Variants in FOXO3 observed in about 807,000 individuals in gnomAD.
The protein encoded by FOXO3 is forkhead box protein O3.
FOXO3 carries 4 observed loss-of-function variants against 41.9 expected under a neutral mutation model. The observed-to-expected ratio is 0.10, with a 90% CI of 0.05 to 0.22. The LOEUF is 0.22. FOXO3 is among the 10% of genes least tolerant of loss of function. FOXO3 has a pLI of 1.00. For synonymous variants in FOXO3, 318 were observed against 389.3 expected (o/e 0.82, Z 2.16); for missense variants, 534 against 906.8 (o/e 0.59, Z 5.28).
At chr6:108,584,257 G>T (rs1004182094) in intron 1 of FOXO3, among the ~76,000 whole-genome samples, 1 of 152,168 alleles carries the variant, frequency 6.6e-6, no homozygotes, top group African/African-American at 2.4e-5. Flanking sequence ...CTAGAAAGAA[G>T]GGAAGTCTTG....
intron 2 of FOXO3, among the ~76,000 whole-genome samples, chr6:108,673,669 G>A (rs929501654): frequency 2.0e-5 from 3 of 152,138 alleles, no homozygotes; most frequent in Admixed American, 6.5e-5. Flanking sequence ...ACCCTGAGAT[G>A]GACTGGCAAT....
chr6:108,614,991 A>G (rs1777454478), intron 1 of FOXO3, among the ~76,000 whole-genome samples: 1 of 152,070 alleles, frequency 6.6e-6, no homozygotes, highest in South Asian at 2.1e-4. Flanking sequence ...ATGATAGTCA[A>G]TCTTCTGCCA....
intron 1 of FOXO3, among the ~76,000 whole-genome samples, chr6:108,621,919 A>AG (rs1777675531): frequency 1.3e-5 from 2 of 152,252 alleles, no homozygotes; most frequent in Admixed American, 6.5e-5. Context: ...CAGGCAGCTA[A>AG]GGAGTAACTG....
At chr6:108,591,036 TAGA>T (rs1489522148) in intron 1 of FOXO3, among the ~76,000 whole-genome samples, 1 of 152,192 alleles carries the variant, frequency 6.6e-6, no homozygotes, top group African/African-American at 2.4e-5. Flanking sequence ...CCTCATCCTT[TAGA>T]AGATGTTGCT....
intron 2 of FOXO3, among the ~76,000 whole-genome samples, chr6:108,672,307 T>A (rs769990273): frequency 3.4e-4 from 51 of 152,178 alleles, no homozygotes; most frequent in Non-Finnish European, 4.7e-4. Context: ...TGTGATACAA[T>A]TTGAGGTTCA....
chr6:108,661,061 A>C (rs1263514477), intron 1 of FOXO3, among the ~76,000 whole-genome samples: 1 of 151,802 alleles, frequency 6.6e-6, no homozygotes, highest in Non-Finnish European at 1.5e-5. Context: ...CTCTATCTCA[A>C]ATAAAAAAAA....
intron 1 of FOXO3, among the ~76,000 whole-genome samples, chr6:108,633,861 A>G (rs1240793917): frequency 1.3e-5 from 2 of 152,138 alleles, no homozygotes; most frequent in Admixed American, 6.6e-5. Flanking sequence ...AAAAAAGTTA[A>G]AAAGCTGAGA....
At position 108,561,338 on chromosome 6, in the gene FOXO3, C is replaced by T. The variant is rs917692418; in HGVS notation, c.130C>T (p.Pro44Ser). Residue 44 changes from proline to serine, a missense_variant, in exon 1 of 3, where the codon CCT becomes TCT. Pro to Ser is a moderately conservative substitution (Grantham distance 74). Transcript: ENST00000406360. ...PLQRPELQASPAKPSGETAAD... is the reference protein window; with the variant it reads ...PLQRPELQASSAKPSGETAAD... ...GCAAAGGCCGGAGCTCCAAGCGAGC[C>T]CTGCCAAGCCCTCGGGGGAGACGGC... 6.4e-7 allele frequency: 1 copy of T among 1,568,756 alleles called. No individual in the cohort carries two copies. The highest frequency in any genetic ancestry group is 8.6e-7 in the Non-Finnish European group (1 of 1,159,624).
chr6:108,579,077 T>C (rs540034116), intron 1 of FOXO3, among the ~76,000 whole-genome samples: 1 of 152,324 alleles, frequency 6.6e-6, no homozygotes, highest in South Asian at 2.1e-4. Context: ...TGGATGTTCA[T>C]GTGAGGGTCT....
chr6:108,617,785 C>T lies in FOXO3; in HGVS notation c.622-45670C>T, dbSNP rs114776467. Among the ~76,000 whole-genome samples, 704 of 152,002 alleles carry T rather than the reference C, an allele frequency of 4.6e-3. 3 individuals carry two copies. The highest frequency in any genetic ancestry group is 0.017 in the African/African-American group (689 of 41,392). On this transcript the variant is annotated intron_variant, in intron 1 of 2. Coordinates refer to ENST00000406360, the MANE Select transcript of FOXO3 (RefSeq NM_001455.4). ...CCACTTGATGTCAATCAAAACATAC[C>T]GTTGGCTGTTAAAAAAAAAATGCAG...
chr6:108,627,809 G>C (rs928128436), intron 1 of FOXO3, among the ~76,000 whole-genome samples: 1 of 152,156 alleles, frequency 6.6e-6, no homozygotes, highest in African/African-American at 2.4e-5. Flanking sequence ...GGACAAGCTT[G>C]GTTTAAATCC....
intron 1 of FOXO3, 54 bp downstream of exon 1, chr6:108,561,883 C>T: frequency 6.7e-7 from 1 of 1,483,686 alleles, no homozygotes; most frequent in Non-Finnish European, 8.9e-7. Flanking sequence ...CTGCGCAGCG[C>T]GAGACGCGTC....
chr6:108,630,927 A>C (rs1367212332), intron 1 of FOXO3, among the ~76,000 whole-genome samples: 2 of 152,162 alleles, frequency 1.3e-5, no homozygotes, highest in Non-Finnish European at 1.5e-5. Flanking sequence ...GAATGCAAAA[A>C]ATAATCTTGG....
At chr6:108,652,926 T>C (rs753309031) in intron 1 of FOXO3, among the ~76,000 whole-genome samples, 4 of 152,222 alleles carry the variant, frequency 2.6e-5, no homozygotes, top group Non-Finnish European at 4.4e-5. Flanking sequence ...CTCTTCACCC[T>C]GGATGGACCT....
chr6:108,575,633 T>A (rs898483402), intron 1 of FOXO3, among the ~76,000 whole-genome samples: 1 of 152,210 alleles, frequency 6.6e-6, no homozygotes, highest in Admixed American at 6.5e-5. Context: ...CTTGTTTATC[T>A]CATCCTTCAT....
chr6:108,600,391 C>G (rs778988706), intron 1 of FOXO3, among the ~76,000 whole-genome samples: 85 of 151,542 alleles, frequency 5.6e-4, no homozygotes, highest in Non-Finnish European at 7.7e-4. Context: ...ACTAAAGATA[C>G]AAAAAATTAG....
intron 1 of FOXO3, among the ~76,000 whole-genome samples, chr6:108,661,448 G>A (rs1043061523): frequency 1.3e-5 from 2 of 152,076 alleles, no homozygotes; most frequent in African/African-American, 2.4e-5. Context: ...GTACTGTTCC[G>A]GATGTGGAGC....
chr6:108,665,324 G>A (rs905257914), intron 2 of FOXO3, among the ~76,000 whole-genome samples: 2 of 152,150 alleles, frequency 1.3e-5, no homozygotes, highest in Non-Finnish European at 2.9e-5. Context: ...GTCCGTCACC[G>A]CTTTTGTCAA....
At chr6:108,620,563 G>A (rs1777638148) in intron 1 of FOXO3, among the ~76,000 whole-genome samples, 1 of 152,186 alleles carries the variant, frequency 6.6e-6, no homozygotes, top group South Asian at 2.1e-4. Context: ...TTTTCTGGTG[G>A]AGCTGAGATA....
Sources: allele counts gnomAD v4.1 joint callset (sites outside exome capture counted in the v4.1 genomes callset), GRCh38; gene constraint gnomAD v4.1.1; transcripts MANE v1.5; gene names NCBI Gene and HGNC (gene_info 2026-07-23, HGNC 2026-07-21).